Variants in LRRC9 observed in about 807,000 individuals in gnomAD.
LRRC9 encodes the protein leucine rich repeat containing 9.
Under a neutral mutation model 63.2 loss-of-function variants are expected in LRRC9, and 122 were observed. The ratio of observed to expected loss-of-function variants is 1.93; its 90% CI spans 1.67 to 2.24. The LOEUF is 2.24. Ranked by LOEUF, LRRC9 falls within the 30% of genes most tolerant of loss-of-function variation. The pLI is 0.00. For missense variants in LRRC9, 1,071 were observed against 627.7 expected, an observed-to-expected ratio of 1.71 and a Z score of -7.55; for synonymous variants, 366 against 213.1, an observed-to-expected ratio of 1.72 and a Z score of -6.25.
At chr14:60,063,743 T>C (rs978573508), downstream of LRRC9, among the ~76,000 whole-genome samples, 4 of 152,334 alleles carry the variant, frequency 2.6e-5, no homozygotes, top group East Asian at 3.9e-4. Flanking sequence ...TAGGAAGATA[T>C]TGAGAAAAGA....
At chr14:59,987,542 CAA>C (rs2140129662) in intron 17 of LRRC9, among the ~76,000 whole-genome samples, 1 of 151,152 alleles carries the variant, frequency 6.6e-6, no homozygotes, top group African/African-American at 2.4e-5. Context: ...CCATTCGACC[CAA>C]AGAGTTTCCA....
At chr14:60,012,793 C>G (rs1310225044) in intron 23 of LRRC9, among the ~76,000 whole-genome samples, 1 of 152,120 alleles carries the variant, frequency 6.6e-6, no homozygotes, top group Non-Finnish European at 1.5e-5. Flanking sequence ...TGACTCTTTA[C>G]AGGAAAACTG....
chr14:59,954,840 G>C (rs1260853810), intron 8 of LRRC9, among the ~76,000 whole-genome samples: 2 of 152,154 alleles, frequency 1.3e-5, no homozygotes, highest in African/African-American at 4.8e-5. Context: ...AGTTTATTGA[G>C]AGTTTTTAAC....
chr14:60,053,118 A>G lies in LRRC9; in HGVS notation c.4044A>G (p.Leu1348=), dbSNP rs1328554840. The stretch of plus-strand genomic sequence containing the variant: ...TGCTTATATTTCGACTGCCTAACTT[A>G]CAGATGTTAGATGGAAGTCCTGTGA... Residue 1348 remains leucine (L), a synonymous_variant, in exon 30 of 32, where the codon TTA becomes TTG. Transcript: ENST00000445360. This position sits in a 1 kb window ranked among gnomAD's most constrained non-coding sequence, Gnocchi z 4.8. 2 of 701,982 alleles carry G rather than the reference A, an allele frequency of 2.8e-6. No individual in the cohort carries two copies. Among genetic ancestry groups the G allele is most frequent in the African/African-American group, 3.5e-5 (2 of 57,242 alleles). 43.5% of individuals were successfully genotyped at this position (701,982 alleles called of 1,614,324 possible). A position where few individuals can be genotyped will look rare whatever the true frequency, so the allele number is the denominator to read the frequency against.
chr14:60,014,299 A>G (rs1890500466), intron 23 of LRRC9, among the ~76,000 whole-genome samples: 1 of 152,114 alleles, frequency 6.6e-6, no homozygotes, highest in Admixed American at 6.6e-5. Flanking sequence ...CTAATCAAAG[A>G]TAATTTAGAA....
rs1187519816 is a variant in LRRC9 at position 60,003,498 on chromosome 14, G to A, written c.2665-123G>A. On this transcript the variant is annotated intron_variant, in intron 20 of 31. Transcript: ENST00000445360. The surrounding 1 kb of genome is among the most constrained non-coding windows in gnomAD (Gnocchi z 4.2). ...CAGCTTCACAATATCTTTAGCTCCT[G>A]AAGGAATTCTTTTGATATCTATTTA... 2 of 546,450 alleles carry A rather than the reference G, an allele frequency of 3.7e-6. No individual in the cohort carries two copies. The highest frequency in any genetic ancestry group is 3.1e-5 in the East Asian group (1 of 32,696). The allele number at this position is 546,450 out of a possible 1,614,324, so 33.9% of individuals were successfully genotyped here.
At chr14:60,025,070 T>G (rs866876443) in intron 27 of LRRC9, among the ~76,000 whole-genome samples, 26 of 148,038 alleles carry the variant, frequency 1.8e-4, no homozygotes, top group South Asian at 2.1e-4. Flanking sequence ...TTGTTTTTGG[T>G]TTTTTTTTTA....
rs141820489 is a variant in LRRC9, at chr14:59,958,060, G to C, written c.883-1758G>C. On this transcript the variant is annotated intron_variant, in intron 8 of 31. Coordinates refer to ENST00000445360, the Ensembl canonical transcript of LRRC9. This position sits in a 1 kb window ranked among gnomAD's most constrained non-coding sequence, Gnocchi z 4.0. Reference sequence around the variant, plus strand: ...CAGAGCTCTCCTGTATGAGGTGTCTGTCGACCCCTGTTGGGGTATGTCTCC... The same window carrying C: ...CAGAGCTCTCCTGTATGAGGTGTCTCTCGACCCCTGTTGGGGTATGTCTCC... Among the ~76,000 whole-genome samples, 308 of 152,304 alleles carry C rather than the reference G, an allele frequency of 2.0e-3. 1 individual carries two copies. Among genetic ancestry groups the C allele is most frequent in the African/African-American group, 7.2e-3 (299 of 41,578 alleles).
At chr14:59,993,710 CAAAG>C (rs1409666191) in intron 17 of LRRC9, among the ~76,000 whole-genome samples, 2 of 152,112 alleles carry the variant, frequency 1.3e-5, no homozygotes, top group Non-Finnish European at 2.9e-5. Flanking sequence ...TCAAAAGAGA[CAAAG>C]AAGGCCATTA....
At chr14:60,047,988 T>A (rs1470298344) in intron 29 of LRRC9, among the ~76,000 whole-genome samples, 1 of 152,140 alleles carries the variant, frequency 6.6e-6, no homozygotes, top group African/African-American at 2.4e-5. Context: ...GATTAAGAAA[T>A]TCACTCAAAA....
At position 59,966,853 on chromosome 14, in the gene LRRC9, AATATAC is replaced by A; in HGVS notation, c.1388+95_1388+100del. On this transcript the variant is annotated intron_variant, in intron 11 of 31. Coordinates refer to ENST00000445360, the Ensembl canonical transcript of LRRC9. The surrounding 1 kb of genome is among the most constrained non-coding windows in gnomAD (Gnocchi z 4.0). The stretch of plus-strand genomic sequence containing the variant: ...TATTTTAAAAGTTTACAGCATTAAA[AATATAC>A]ATATACCTTGTTAGTAAATGTTTCC... 1 of 569,780 alleles carries A rather than the reference AATATAC, an allele frequency of 1.8e-6. No homozygotes were observed. Among genetic ancestry groups the A allele is most frequent in the South Asian group, 2.4e-5 (1 of 41,836 alleles). The allele number at this position is 569,780 out of a possible 1,614,324, so 35.3% of individuals were successfully genotyped here.
At chr14:60,061,909 C>G (rs309008) in intron 31 of LRRC9, 102 bp from the exon 32 acceptor site, 3 of 395,908 alleles carry the variant, frequency 7.6e-6, no homozygotes, top group African/African-American at 6.2e-5. Flanking sequence ...GCATACATTC[C>G]GCTGAAGGAC....
chr14:59,963,456 T>G (rs1407419797), intron 10 of LRRC9, among the ~76,000 whole-genome samples: 1 of 152,030 alleles, frequency 6.6e-6, no homozygotes, highest in African/African-American at 2.4e-5. Flanking sequence ...TAAAAGATGC[T>G]GTCCTTGTGC....
intron 23 of LRRC9, 87 bp from the exon 24 acceptor site, chr14:60,016,573 T>C (rs1890701676): frequency 1.7e-6 from 1 of 583,260 alleles, no homozygotes; most frequent in Non-Finnish European, 3.1e-6. Context: ...GAAAAATGAG[T>C]CCACTGAATT....
chr14:59,971,052 G>C (rs1885434951), intron 12 of LRRC9, among the ~76,000 whole-genome samples: 1 of 151,900 alleles, frequency 6.6e-6, no homozygotes, highest in Non-Finnish European at 1.5e-5. Context: ...CGATAGTTTT[G>C]GGTTTTACAT....
chr14:59,967,012 T>C, intron 11 of LRRC9, 84 bp from the exon 12 acceptor site: 1 of 542,640 alleles, frequency 1.8e-6, no homozygotes, highest in South Asian at 2.7e-5. Flanking sequence ...CAAATATCCC[T>C]GGCAGGACAT....
intron 17 of LRRC9, among the ~76,000 whole-genome samples, chr14:59,993,565 C>T (rs1160544134): frequency 2.0e-5 from 3 of 152,086 alleles, no homozygotes; most frequent in Non-Finnish European, 4.4e-5. Flanking sequence ...ATTCAGGAAA[C>T]CCATCTCACG....
chr14:60,001,081 A>C (rs1369630517), intron 19 of LRRC9, among the ~76,000 whole-genome samples: 1 of 152,162 alleles, frequency 6.6e-6, no homozygotes, highest in Non-Finnish European at 1.5e-5. Context: ...TTAAAGTCTG[A>C]CAATACCAAG....
At chr14:59,984,490 G>A (rs554086718) in intron 16 of LRRC9, among the ~76,000 whole-genome samples, 1 of 152,232 alleles carries the variant, frequency 6.6e-6, no homozygotes, top group South Asian at 2.1e-4. Flanking sequence ...AAAACATATA[G>A]GCATCAGGAT....
Sources: gnomAD v4.1 joint callset for allele counts (sites outside exome capture counted in the v4.1 genomes callset) on GRCh38, gnomAD v4.1.1 for gene constraint, Gnocchi (gnomAD v3.1) non-coding constraint, MANE v1.5 for transcripts, NCBI Gene and HGNC (gene_info 2026-07-23, HGNC 2026-07-21) for gene names.